Variants in AGBL4 observed in about 807,000 individuals in gnomAD.
The protein encoded by AGBL4 is AGBL carboxypeptidase 4, also known as cytosolic carboxypeptidase 6.
AGBL4 carries 58 observed loss-of-function variants against 66.4 expected under a neutral mutation model. That is an observed-to-expected ratio of 0.87 (90% CI 0.71 to 1.09). AGBL4 has a LOEUF of 1.09. Ranked by LOEUF, AGBL4 falls within the 50% of genes least tolerant of loss-of-function variation. The pLI, the probability that AGBL4 is intolerant of heterozygous loss-of-function variation, is 0.00. For synonymous variants in AGBL4, 234 were observed against 222.9 expected, an observed-to-expected ratio of 1.05 and a Z score of -0.44; for missense variants, 579 against 631.0, an observed-to-expected ratio of 0.92 and a Z score of 0.88.
At chr1:49,400,868 C>A (rs1645069581) in intron 3 of AGBL4, among the ~76,000 whole-genome samples, 1 of 152,048 alleles carries the variant, frequency 6.6e-6, no homozygotes, top group South Asian at 2.1e-4. Flanking sequence ...TGTCTGATTT[C>A]TCTAGCTAGG....
chr1:49,419,197 T>C (rs1161243046), intron 3 of AGBL4, among the ~76,000 whole-genome samples: 1 of 152,174 alleles, frequency 6.6e-6, no homozygotes, highest in Non-Finnish European at 1.5e-5. Flanking sequence ...ATAAATAGTG[T>C]ATTGGGTCAT....
At chr1:49,030,760 G>A (rs999967109) in intron 5 of AGBL4, among the ~76,000 whole-genome samples, 13 of 147,668 alleles carry the variant, frequency 8.8e-5, no homozygotes, top group South Asian at 2.1e-4. Context: ...GTTGGGGACC[G>A]TTGGTTTAAG....
At chr1:49,208,906 A>G (rs1648457844) in intron 4 of AGBL4, among the ~76,000 whole-genome samples, 1 of 151,948 alleles carries the variant, frequency 6.6e-6, no homozygotes. Flanking sequence ...CACACAAACA[A>G]CACACCACCC....
chr1:49,123,627 T>A (rs1557660371), intron 4 of AGBL4, among the ~76,000 whole-genome samples: 2 of 152,090 alleles, frequency 1.3e-5, no homozygotes, highest in Non-Finnish European at 2.9e-5. Context: ...ATTGCTAGGG[T>A]GTGTCTAAGG....
chr1:49,826,814 A>G (rs536367369), intron 2 of AGBL4, among the ~76,000 whole-genome samples: 1 of 152,320 alleles, frequency 6.6e-6, no homozygotes, highest in East Asian at 1.9e-4. Context: ...CCTGCCCTCA[A>G]GAAGTTTATG....
At chr1:49,948,126 ATATAAATATATG>A (rs1247074908) in intron 1 of AGBL4, among the ~76,000 whole-genome samples, 6 of 103,942 alleles carry the variant, frequency 5.8e-5, no homozygotes, top group African/African-American at 2.5e-4. Flanking sequence ...ATGTAAATAT[ATATAAATATATG>A]TAAATATATA....
At chr1:48,769,236 T>C (rs942001498) in intron 6 of AGBL4, among the ~76,000 whole-genome samples, 1 of 152,098 alleles carries the variant, frequency 6.6e-6, no homozygotes, top group African/African-American at 2.4e-5. Context: ...TTTGAAGAAA[T>C]GCCCTACTGA....
intron 10 of AGBL4, among the ~76,000 whole-genome samples, chr1:48,587,596 C>G (rs1485154524): frequency 6.6e-6 from 1 of 151,136 alleles, no homozygotes; most frequent in Non-Finnish European, 1.5e-5. Flanking sequence ...GACCATGTCT[C>G]TATTCTTTTT....
chr1:49,560,890 A>C (rs929844111), intron 3 of AGBL4, among the ~76,000 whole-genome samples: 2 of 152,120 alleles, frequency 1.3e-5, no homozygotes, highest in African/African-American at 4.8e-5. Flanking sequence ...AGAGGGAATA[A>C]AGATTTTCCC....
rs539399496 is a variant in AGBL4 at position 48,744,063 on chromosome 1, T to A, written c.635-80822A>T. 2.0e-5 allele frequency among the ~76,000 whole-genome samples: 3 copies of A among 152,312 alleles called. No homozygotes were observed. The South Asian group carries it at 6.2e-4, about 32-fold the overall frequency. ...AGAGATTTCAGGTCCCATTCCTGGCTACACTATATTTTAATTGTGTGACCA... is the reference window on the plus strand; with the variant it reads ...AGAGATTTCAGGTCCCATTCCTGGCAACACTATATTTTAATTGTGTGACCA... On this transcript the variant is annotated intron_variant, in intron 6 of 13. Coordinates refer to ENST00000371839, the MANE Select transcript of AGBL4 (RefSeq NM_032785.4).
chr1:49,383,478 C>A (rs901465184), intron 3 of AGBL4, among the ~76,000 whole-genome samples: 2 of 151,882 alleles, frequency 1.3e-5, no homozygotes, highest in African/African-American at 4.8e-5. Flanking sequence ...GATAGAGAGC[C>A]CCAAAATAAA....
At chr1:48,945,165 C>A (rs993942143) in intron 5 of AGBL4, among the ~76,000 whole-genome samples, 4 of 152,138 alleles carry the variant, frequency 2.6e-5, no homozygotes, top group African/African-American at 9.7e-5. Flanking sequence ...AAAACCCTGA[C>A]AATAATAAAA....
At chr1:48,834,561 AGG>A (rs1646633492) in intron 6 of AGBL4, among the ~76,000 whole-genome samples, 1 of 152,116 alleles carries the variant, frequency 6.6e-6, no homozygotes, top group African/African-American at 2.4e-5. Context: ...AAGAAGAGAA[AGG>A]GAGACCAGAA....
intron 3 of AGBL4, among the ~76,000 whole-genome samples, chr1:49,503,386 G>A (rs950810050): frequency 1.3e-5 from 2 of 152,182 alleles, no homozygotes; most frequent in African/African-American, 4.8e-5. Flanking sequence ...AGTGCAGAAG[G>A]GAAATATGGG....
intron 4 of AGBL4, among the ~76,000 whole-genome samples, chr1:49,172,497 T>C (rs1022659473): frequency 6.6e-6 from 1 of 152,078 alleles, no homozygotes; most frequent in African/African-American, 2.4e-5. Context: ...ATTTATGAAT[T>C]GAGGTAGTGT....
At chr1:49,914,383 T>C (rs868131294) in intron 1 of AGBL4, among the ~76,000 whole-genome samples, 1 of 152,254 alleles carries the variant, frequency 6.6e-6, no homozygotes. Flanking sequence ...TGCAACTTTA[T>C]AATGAGGATG....
chr1:49,282,517 C>T (rs1197500852), intron 3 of AGBL4, among the ~76,000 whole-genome samples: 1 of 150,354 alleles, frequency 6.7e-6, no homozygotes, highest in Non-Finnish European at 1.5e-5. Flanking sequence ...AGGGGGAGGA[C>T]CCAAGATGGC....
rs1649779120 is a variant in AGBL4 at position 49,735,296 on chromosome 1, G to GTGT, written c.158-37860_158-37859insACA. Among the ~76,000 whole-genome samples the GTGT allele has an allele frequency of 6.3e-4, 80 of 127,390 alleles. 1 individual carries two copies. The highest frequency in any genetic ancestry group is 2.5e-3 in the African/African-American group (77 of 30,850). 83.6% of individuals were successfully genotyped at this position (127,390 alleles called of 152,430 possible). On this transcript the variant is annotated intron_variant, in intron 2 of 13. Transcript: ENST00000371839. ...TAAAACAAAGAGGTAGAGGTGTGTG[G>GTGT]GTGTGTGTGTGTGTGTGTGTGTGTG... is the stretch of plus-strand genomic sequence containing the variant.
At chr1:48,630,176 T>C (rs1374147593) in intron 9 of AGBL4, among the ~76,000 whole-genome samples, 1 of 152,216 alleles carries the variant, frequency 6.6e-6, no homozygotes, top group African/African-American at 2.4e-5. Context: ...TTAAACACTT[T>C]GTTTTCAAGA....
Sources: allele counts gnomAD v4.1 joint callset (sites outside exome capture counted in the v4.1 genomes callset), GRCh38; gene constraint gnomAD v4.1.1; transcripts MANE v1.5; gene names NCBI Gene and HGNC (gene_info 2026-07-23, HGNC 2026-07-21).